Variants in WWP2 observed in about 807,000 individuals in gnomAD.
WWP2 encodes the protein NEDD4-like E3 ubiquitin-protein ligase WWP2.
A neutral mutation model predicts 121.0 loss-of-function variants in WWP2; 57 were observed. That is an observed-to-expected ratio of 0.47 (90% CI 0.38 to 0.59). WWP2 has a LOEUF of 0.59. Ranked by LOEUF, WWP2 falls within the 20% of genes least tolerant of loss-of-function variation. The pLI is 0.00. For missense variants in WWP2, 962 were observed against 1,158.9 expected (o/e 0.83, Z 2.47); for synonymous variants, 449 against 441.3 (o/e 1.02, Z -0.22).
intron 4 of WWP2, among the ~76,000 whole-genome samples, chr16:69,806,934 T>TTTTATTTA (rs745755357): frequency 0.012 from 1,839 of 148,294 alleles, 33 homozygotes; most frequent in African/African-American, 0.04. Context: ...CCTAGATCTG[T>TTTTATTTA]TTTATTTATT....
At chr16:69,806,969 C>T (rs1254834507) in intron 4 of WWP2, among the ~76,000 whole-genome samples, 1 of 149,600 alleles carries the variant, frequency 6.7e-6, no homozygotes, top group Admixed American at 6.7e-5. Flanking sequence ...TTCATTCATT[C>T]ATTCATTCAT....
chr16:69,801,865 G>C (rs2056174303), intron 4 of WWP2, among the ~76,000 whole-genome samples: 1 of 151,776 alleles, frequency 6.6e-6, no homozygotes, highest in Admixed American at 6.6e-5. Context: ...GATTATACAT[G>C]AACATATTAT....
intron 10 of WWP2, chr16:69,924,896 G>C: frequency 1.0e-6 from 1 of 984,970 alleles, no homozygotes; most frequent in Non-Finnish European, 1.2e-6. Context: ...GGACGCCGAG[G>C]TGGAGGGAGG....
chr16:69,764,144 C>A (rs1187412876), intron 1 of WWP2, among the ~76,000 whole-genome samples: 1 of 152,136 alleles, frequency 6.6e-6, no homozygotes, highest in Non-Finnish European at 1.5e-5. Context: ...GGACTCAAGC[C>A]CAGACCCTTA....
intron 1 of WWP2, among the ~76,000 whole-genome samples, chr16:69,767,661 A>G (rs1481953163): frequency 1.3e-5 from 2 of 152,148 alleles, no homozygotes; most frequent in African/African-American, 4.8e-5. Context: ...GAAGTTTTAC[A>G]GGGTTGTGCT....
intron 5 of WWP2, 71 bp from the exon 6 acceptor site, chr16:69,841,953 G>C: frequency 6.8e-7 from 1 of 1,466,898 alleles, no homozygotes; most frequent in Non-Finnish European, 9.4e-7. Context: ...TCTGTTCCTG[G>C]CCGTCAAATC....
intron 1 of WWP2, among the ~76,000 whole-genome samples, chr16:69,782,425 G>A (rs1198251363): frequency 1.3e-5 from 2 of 152,204 alleles, no homozygotes; most frequent in Non-Finnish European, 1.5e-5. Flanking sequence ...GCAGGAGGAG[G>A]ATGAGGCAGG....
At chr16:69,873,858 T>C (rs1225118755) in intron 7 of WWP2, among the ~76,000 whole-genome samples, 1 of 152,186 alleles carries the variant, frequency 6.6e-6, no homozygotes, top group Non-Finnish European at 1.5e-5. Context: ...GGTGAATTGA[T>C]TTTCTTTGGT....
chr16:69,883,667 A>G (rs145156318), intron 7 of WWP2, among the ~76,000 whole-genome samples: 110 of 152,242 alleles, frequency 7.2e-4, no homozygotes, highest in African/African-American at 2.2e-3. Context: ...AGATCAACCC[A>G]TCACCTAGGT....
At chr16:69,770,745 A>C (rs2055396332) in intron 1 of WWP2, among the ~76,000 whole-genome samples, 1 of 152,112 alleles carries the variant, frequency 6.6e-6, no homozygotes, top group Admixed American at 6.6e-5. Flanking sequence ...TGGATAGTGT[A>C]GGAACTGAAT....
In WWP2 at chr16:69,798,824, C is replaced by A; in HGVS notation, c.213C>A (p.Ile71=). Residue 71 remains isoleucine, a synonymous_variant, in exon 3 of 24, where the codon ATC becomes ATA. Transcript: ENST00000359154. ...CTGAGCTTCTCTGGAATGAGATCAT[C>A]ATTTTGTAAGAGAAAGCCCCTTCTT... The part of the protein sequence containing the change: ...GSSELLWNEI[I]ILNVTAQSHL... 6.2e-7 allele frequency: 1 copy of A among 1,613,780 alleles called. No individual in the cohort carries two copies. The highest frequency in any genetic ancestry group is 1.1e-5 in the South Asian group (1 of 91,064).
In WWP2 at chr16:69,812,456, C is replaced by T. The variant is rs145934252; in HGVS notation, c.340+13161C>T. Among the ~76,000 whole-genome samples the T allele has an allele frequency of 6.8e-3, 1,008 of 147,760 alleles. 16 individuals carry two copies. Among genetic ancestry groups the T allele is most frequent in the African/African-American group, 0.024 (954 of 39,788 alleles). ...CTAAGATCACAGGCATGAGACACCG[C>T]GCCTGCCCCCAACCCCCCCCCTTTT... On this transcript the variant is annotated intron_variant, in intron 4 of 23. Transcript: ENST00000359154.
chr16:69,911,917 C>G (rs948638608), intron 9 of WWP2, among the ~76,000 whole-genome samples: 2 of 152,140 alleles, frequency 1.3e-5, no homozygotes, highest in African/African-American at 4.8e-5. Context: ...GAGGAATCCA[C>G]CAGGAAGCCG....
intron 4 of WWP2, among the ~76,000 whole-genome samples, chr16:69,839,059 G>T (rs1414258169): frequency 6.7e-6 from 1 of 149,778 alleles, no homozygotes; most frequent in Non-Finnish European, 1.5e-5. Flanking sequence ...TGTGCTTATG[G>T]AGACATTTAT....
At chr16:69,882,287 T>C (rs1047993164) in intron 7 of WWP2, among the ~76,000 whole-genome samples, 2 of 152,234 alleles carry the variant, frequency 1.3e-5, no homozygotes, top group African/African-American at 4.8e-5. Context: ...GATATTGTTA[T>C]ACAAATGTCA....
intron 10 of WWP2, chr16:69,924,959 G>A (rs2058618020): frequency 3.0e-6 from 3 of 987,898 alleles, no homozygotes; most frequent in South Asian, 9.3e-5. Context: ...TTGTGGGAAT[G>A]ATTTCATTGG....
chr16:69,789,324 G>T (rs1249848052), intron 2 of WWP2, among the ~76,000 whole-genome samples: 8 of 152,100 alleles, frequency 5.3e-5, no homozygotes, highest in Admixed American at 5.2e-4. Flanking sequence ...CCGCCTCCCG[G>T]GTTCAAGCAA....
At chr16:69,924,247 GC>G (rs892567770) in intron 10 of WWP2, among the ~76,000 whole-genome samples, 4 of 152,092 alleles carry the variant, frequency 2.6e-5, no homozygotes, top group African/African-American at 9.7e-5. Context: ...GTGGAAGGGG[GC>G]TTGCTGGCAG....
chr16:69,918,013 C>G (rs1186638775), intron 10 of WWP2, 130 bp downstream of exon 10: 1 of 1,220,920 alleles, frequency 8.2e-7, no homozygotes, highest in East Asian at 2.6e-5. Flanking sequence ...TGCTCTGCCC[C>G]TGGAGATTTT....
Sources: allele counts gnomAD v4.1 joint callset (sites outside exome capture counted in the v4.1 genomes callset), GRCh38; gene constraint gnomAD v4.1.1; transcripts MANE v1.5; gene names NCBI Gene and HGNC (gene_info 2026-07-23, HGNC 2026-07-21).